Variants in SPG11 observed in about 807,000 individuals in gnomAD.
SPG11 encodes SPG11 vesicle trafficking associated, spatacsin.
SPG11 carries 222 observed loss-of-function variants against 274.0 expected under a neutral mutation model. That is an observed-to-expected ratio of 0.81 (90% CI 0.73 to 0.91). The LOEUF is 0.91. Ranked by LOEUF, SPG11 falls within the 40% of genes least tolerant of loss-of-function variation. The pLI is 0.00. For missense variants in SPG11, 3,114 were observed against 2,872.7 expected (o/e 1.08, Z -1.92); for synonymous variants, 1,144 against 1,039.7 (o/e 1.10, Z -1.93).
chr15:44,652,228 T>C lies in SPG11; in HGVS notation c.908A>G (p.Glu303Gly), dbSNP rs1426974235. ...CTTAGGTCCTTGAATAGGAAGATCT[T>C]CTAGTATTCTTTCACACAGTAGGTG... Reference protein sequence around the residue: ...PGHLLCERILEDLPIQGPKGV... With the variant: ...PGHLLCERILGDLPIQGPKGV... The change falls in exon 5 of 40, where the codon GAA becomes GGA. Residue 303 changes from glutamate (E) to glycine (G), a missense_variant. Coordinates refer to ENST00000261866, the MANE Select transcript of SPG11 (RefSeq NM_025137.4). 2 of 1,613,982 alleles carry C rather than the reference T, an allele frequency of 1.2e-6. No homozygotes were observed.
intron 7 of SPG11, among the ~76,000 whole-genome samples, chr15:44,643,730 A>G (rs1260726243): frequency 1.3e-5 from 2 of 152,204 alleles, no homozygotes; most frequent in Non-Finnish European, 2.9e-5. Context: ...GACACCATCG[A>G]GAAGGTGAAA....
chr15:44,613,024 C>G (rs369172396), intron 17 of SPG11, among the ~76,000 whole-genome samples: 2 of 152,268 alleles, frequency 1.3e-5, no homozygotes, highest in East Asian at 3.9e-4. Context: ...CTCACACATA[C>G]TATGGATTTC....
At chr15:44,615,327 G>T in intron 16 of SPG11, 36 bp downstream of exon 16, 1 of 1,594,440 alleles carries the variant, frequency 6.3e-7, no homozygotes, top group South Asian at 1.1e-5. Context: ...AAAATGTGAA[G>T]ACCTGCTCAA....
chr15:44,640,052 T>C lies in SPG11; in HGVS notation c.1603-6415A>G, dbSNP rs190599661. 2.5e-3 allele frequency among the ~76,000 whole-genome samples: 375 copies of C among 151,858 alleles called. 2 individuals are homozygous for C. Among genetic ancestry groups the C allele is most frequent in the African/African-American group, 8.5e-3 (353 of 41,402 alleles). ...AGTGAAACCCCGTCTCTACTAAAAA[T>C]ACAAAAAATTAGCCAGGCGTAGGGG... On this transcript the variant is annotated intron_variant, in intron 7 of 39. Coordinates refer to ENST00000261866, the MANE Select transcript of SPG11 (RefSeq NM_025137.4).
chr15:44,572,812 G>C lies in SPG11; in HGVS notation c.6214C>G (p.Gln2072Glu). ...CTTTCCTCTGTTGGGTTGAACATCT[G>C]CTTATGTCCTGTACAGAGAGGTGTG... Reference protein sequence around the residue: ...LTSSQGTGHKQMFNPTEESQT... With the variant: ...LTSSQGTGHKEMFNPTEESQT... The change falls in exon 33 of 40, where the codon CAG (glutamine) becomes GAG (glutamate). Residue 2072 changes from glutamine to glutamate, a missense_variant. Gln to Glu is a conservative substitution (Grantham distance 29). Transcript: ENST00000261866. 6.2e-7 allele frequency: 1 copy of C among 1,613,886 alleles called. No individual in the cohort carries two copies. Among genetic ancestry groups the C allele is most frequent in the African/African-American group, 1.3e-5 (1 of 74,990 alleles).
chr15:44,573,373 T>A, intron 32 of SPG11, 174 bp downstream of exon 32: 1 of 701,694 alleles, frequency 1.4e-6, no homozygotes, highest in Non-Finnish European at 2.5e-6. Context: ...TGTACATGTA[T>A]TTTGTAAAAA....
rs746971952 is a variant in SPG11, at chr15:44,613,497, CTCTT to C, written c.3074_3077del (p.Lys1025SerfsTer12). On this transcript the variant is annotated frameshift_variant, in exon 17 of 40. Transcript: ENST00000261866. LOFTEE classifies it high-confidence loss of function. ...CAAACCAAGGGTGTGCTTCATGTAACTCTTTTTTTTCCAAAAAGGGACAATTTTC... is the reference window on the plus strand; with the variant it reads ...CAAACCAAGGGTGTGCTTCATGTAACTTTTTTCCAAAAAGGGACAATTTTC... 2 of 1,613,922 alleles carry C rather than the reference CTCTT, an allele frequency of 1.2e-6. No individual in the cohort carries two copies. The highest frequency in any genetic ancestry group is 1.7e-6 in the Non-Finnish European group (2 of 1,179,870).
chr15:44,621,809 C>T lies in SPG11; in HGVS notation c.2570G>A (p.Trp857Ter), dbSNP rs2141027825. 2 of 1,613,916 alleles carry T rather than the reference C, an allele frequency of 1.2e-6. No individual in the cohort carries two copies. The highest frequency in any genetic ancestry group is 2.2e-5 in the South Asian group (2 of 91,076). Residue 857 changes from tryptophan to a stop codon, truncating the protein, a stop_gained, in exon 14 of 40, where the codon TGG becomes TAG. Transcript: ENST00000261866. LOFTEE classifies it high-confidence loss of function. ...HRIVLNWALW[W>*]DQLTQESILL... ...GATGGATTCTTGTGTTAGTTGATCC[C>T]ACCACAGAGCCCAATTTAACACAAT...
At chr15:44,630,815 T>C (rs1308785808) in intron 8 of SPG11, among the ~76,000 whole-genome samples, 1 of 152,056 alleles carries the variant, frequency 6.6e-6, no homozygotes, top group Non-Finnish European at 1.5e-5. Context: ...CTTGACCTCA[T>C]GATCCACCCA....
chr15:44,628,523 A>G, intron 10 of SPG11, 146 bp downstream of exon 10: 1 of 764,922 alleles, frequency 1.3e-6, no homozygotes, highest in Non-Finnish European at 2.2e-6. Context: ...AGTCATAATC[A>G]GAAATCCCCA....
At chr15:44,605,178 C>T (rs1455953009) in intron 20 of SPG11, among the ~76,000 whole-genome samples, 1 of 152,090 alleles carries the variant, frequency 6.6e-6, no homozygotes, top group African/African-American at 2.4e-5. Flanking sequence ...TTTGTCTACT[C>T]TCTAGTAACT....
At chr15:44,564,482 T>TTA in intron 39 of SPG11, 65 bp downstream of exon 39, 1 of 1,559,558 alleles carries the variant, frequency 6.4e-7, no homozygotes, top group South Asian at 1.1e-5. Flanking sequence ...CATAAAATTC[T>TTA]TACACTTGTC....
chr15:44,575,292 A>C, intron 30 of SPG11: 2 of 470,086 alleles, frequency 4.3e-6, no homozygotes, highest in Non-Finnish European at 7.8e-6. Flanking sequence ...AGTGCTCTAG[A>C]GATCAGCACC....
rs201266822 is a variant in SPG11 at position 44,651,783 on chromosome 15, T to C, written c.1164A>G (p.Pro388=). 6.2e-7 allele frequency: 1 copy of C among 1,614,194 alleles called. No individual in the cohort carries two copies. The highest frequency in any genetic ancestry group is 8.5e-7 in the Non-Finnish European group (1 of 1,180,034). The part of the protein sequence containing the change: ...STSVQSWAFI[P]QDIMHGQYNV... ...TATATTGCCCATGCATTATGTCCTG[T>C]GGAATGAAGGCCCAGCTCTGCACAC... is the stretch of plus-strand genomic sequence containing the variant. Residue 388 remains proline (P), a synonymous_variant, in exon 6 of 40, where the codon CCA becomes CCG. Coordinates refer to ENST00000261866, the MANE Select transcript of SPG11 (RefSeq NM_025137.4).
chr15:44,606,161 G>T, intron 19 of SPG11, 70 bp from the exon 20 acceptor site: 1 of 1,401,078 alleles, frequency 7.1e-7, no homozygotes. Flanking sequence ...AAAATTATAT[G>T]AAAGGACTTC....
chr15:44,595,372 C>G lies in SPG11; in HGVS notation c.4522G>C (p.Asp1508His). 1.2e-6 allele frequency: 2 copies of G among 1,614,176 alleles called. No homozygotes were observed. Among genetic ancestry groups the G allele is most frequent in the Non-Finnish European group, 1.7e-6 (2 of 1,180,032 alleles). Reference protein sequence around the residue: ...VATEAMGHIQDSTEDHTWNLE... With the variant: ...VATEAMGHIQHSTEDHTWNLE... ...TTCCAGGTATGGTCCTCTGTTGAGT[C>G]CTGAATGTGTCCCATTGCTTCAGTT... The change falls in exon 26 of 40, where the codon GAC (aspartate) becomes CAC (histidine). Residue 1508 changes from aspartate to histidine, a missense_variant. Coordinates refer to ENST00000261866, the MANE Select transcript of SPG11 (RefSeq NM_025137.4).
chr15:44,573,488 A>T (rs1465942229), intron 32 of SPG11, 59 bp downstream of exon 32: 5 of 1,577,302 alleles, frequency 3.2e-6, no homozygotes, highest in Non-Finnish European at 4.4e-6. Flanking sequence ...CCAAATCCTT[A>T]ACACTGGGAA....
At chr15:44,600,443 C>T in intron 21 of SPG11, 24 bp downstream of exon 21, 1 of 1,613,544 alleles carries the variant, frequency 6.2e-7, no homozygotes, top group Non-Finnish European at 8.5e-7. Context: ...TGTACCCAGA[C>T]AAAATTATAT....
At chr15:44,633,429 A>C (rs773510539) in intron 8 of SPG11, 76 bp downstream of exon 8, 1 of 1,299,332 alleles carries the variant, frequency 7.7e-7, no homozygotes, top group South Asian at 1.4e-5. Context: ...TCATCAGAAA[A>C]CACAACATCA....
Sources: gnomAD v4.1 joint callset for allele counts (sites outside exome capture counted in the v4.1 genomes callset) on GRCh38, gnomAD v4.1.1 for gene constraint, MANE v1.5 for transcripts, NCBI Gene and HGNC (gene_info 2026-07-23, HGNC 2026-07-21) for gene names.